The following RANBP2 variants were observed in gnomAD, a reference collection of about 807,000 sequenced individuals.
RANBP2 encodes the protein E3 SUMO-protein ligase RanBP2.
In RANBP2, 57 loss-of-function variants were observed where a neutral mutation model predicts 303.6. The ratio of observed to expected loss-of-function variants is 0.19; its 90% CI spans 0.15 to 0.23. The LOEUF is 0.23. Among genes scored for constraint, RANBP2 ranks in the 10% least tolerant of loss-of-function variants. The pLI is 1.00. For missense variants in RANBP2, 3,138 were observed against 3,780.8 expected (o/e 0.83, Z 4.46); for synonymous variants, 1,167 against 1,301.5 (o/e 0.90, Z 2.23).
the RANBP2 span, among the ~76,000 whole-genome samples, chr2:109,641,674 A>G: frequency 6.6e-6 from 1 of 152,180 alleles, no homozygotes; most frequent in East Asian, 1.9e-4. Context: ...CATGAATCCA[A>G]ATTAGGTTCA....
At chr2:108,769,954 AT>A (rs4012024) in intron 20 of RANBP2, among the ~76,000 whole-genome samples, 55,554 of 149,928 alleles carry the variant, frequency 0.37, 13,694 homozygotes, top group African/African-American at 0.71. Context: ...GCAATCTCTG[AT>A]TTTTTTTTTT....
At chr2:108,937,914 G>C in the RANBP2 span, among the ~76,000 whole-genome samples, 1 of 152,222 alleles carries the variant, frequency 6.6e-6, no homozygotes, top group Non-Finnish European at 1.5e-5. Context: ...GGTTTGAGTT[G>C]AAAGTTTAAA....
At chr2:109,394,437 G>A in the RANBP2 span, among the ~76,000 whole-genome samples, 1 of 152,160 alleles carries the variant, frequency 6.6e-6, no homozygotes, top group African/African-American at 2.4e-5. Flanking sequence ...GGACTAGGGG[G>A]TGGCCCCTGC....
At chr2:109,158,261 C>A in the RANBP2 span, among the ~76,000 whole-genome samples, 2 of 152,184 alleles carry the variant, frequency 1.3e-5, no homozygotes, top group Non-Finnish European at 2.9e-5. Flanking sequence ...AAGTCCAGGG[C>A]CACCTCCAGG....
At chr2:109,144,137 C>T in the RANBP2 span, among the ~76,000 whole-genome samples, 1 of 152,112 alleles carries the variant, frequency 6.6e-6, no homozygotes, top group Non-Finnish European at 1.5e-5. Flanking sequence ...GCATGGTGAC[C>T]ATAGTTAACA....
At chr2:108,787,997 A>G (rs1323052738), downstream of RANBP2, 2 of 1,436,876 alleles carry the variant, frequency 1.4e-6, no homozygotes, top group South Asian at 1.3e-5. Flanking sequence ...ATTGATTTTT[A>G]GTATACAAAT....
chr2:109,564,370 C>T, the RANBP2 span: 1 of 1,553,566 alleles, frequency 6.4e-7, no homozygotes, highest in Non-Finnish European at 8.7e-7. Context: ...CCCTACCTGA[C>T]TGGCTTGTTT....
At chr2:109,457,639 C>T in the RANBP2 span, among the ~76,000 whole-genome samples, 2 of 152,238 alleles carry the variant, frequency 1.3e-5, no homozygotes, top group Non-Finnish European at 2.9e-5. Context: ...GGAGCCCCGG[C>T]ACAACTCAAT....
the RANBP2 span, among the ~76,000 whole-genome samples, chr2:109,362,019 T>C: frequency 2.0e-5 from 3 of 152,180 alleles, no homozygotes; most frequent in African/African-American, 7.2e-5. Flanking sequence ...TAAAGATTAA[T>C]TTATTGATCT....
the RANBP2 span, among the ~76,000 whole-genome samples, chr2:109,289,323 C>T: frequency 4.0e-5 from 6 of 151,744 alleles, no homozygotes; most frequent in Admixed American, 3.9e-4. Context: ...ATTTCACATC[C>T]CATGCTCCCA....
chr2:109,407,712 G>A, the RANBP2 span, among the ~76,000 whole-genome samples: 1 of 150,644 alleles, frequency 6.6e-6, no homozygotes, highest in African/African-American at 2.5e-5. Context: ...CTTATAGGGA[G>A]GCAAAACAAA....
the RANBP2 span, among the ~76,000 whole-genome samples, chr2:109,707,833 T>C: frequency 6.6e-6 from 1 of 152,242 alleles, no homozygotes; most frequent in African/African-American, 2.4e-5. Context: ...AATACCTAAA[T>C]GTTTAGATGT....
chr2:109,402,865 C>T, the RANBP2 span, among the ~76,000 whole-genome samples: 16 of 152,256 alleles, frequency 1.1e-4, no homozygotes, highest in South Asian at 1.9e-3. Context: ...CCTCATTGAA[C>T]GTTGCACTGG....
the RANBP2 span, among the ~76,000 whole-genome samples, chr2:109,644,131 A>AC: frequency 1.2e-4 from 8 of 66,258 alleles, no homozygotes; most frequent in African/African-American, 3.1e-4. Context: ...AAAAAAAAAA[A>AC]CAAAAAAACA....
chr2:109,306,646 T>G, the RANBP2 span, among the ~76,000 whole-genome samples: 47,309 of 152,180 alleles, frequency 0.31, 9,070 homozygotes, highest in African/African-American at 0.54. Flanking sequence ...TTTCATGCTG[T>G]TAGCAGTCGG....
At chr2:109,400,401 TA>T in the RANBP2 span, among the ~76,000 whole-genome samples, 2 of 151,910 alleles carry the variant, frequency 1.3e-5, no homozygotes, top group African/African-American at 4.8e-5. Context: ...TGCACGCACA[TA>T]TACACATATA....
chr2:109,673,500 C>T, the RANBP2 span, among the ~76,000 whole-genome samples: 2 of 152,158 alleles, frequency 1.3e-5, no homozygotes, highest in Non-Finnish European at 2.9e-5. Context: ...CTCTGTTTTG[C>T]CTTGCTTTAC....
chr2:108,995,971 C>G, the RANBP2 span, among the ~76,000 whole-genome samples: 29 of 152,270 alleles, frequency 1.9e-4, no homozygotes, highest in Admixed American at 3.3e-4. Flanking sequence ...AATTAATTTG[C>G]AGTTTCTCAT....
rs1677272908 is a variant in RANBP2 at position 108,768,519 on chromosome 2, C to T, written c.7849+131C>T. 1.2e-5 allele frequency: 18 copies of T among 1,538,720 alleles called. No homozygotes were observed. In the South Asian group the frequency reaches 1.9e-4, roughly 16 times the overall value. Reference sequence around the variant, plus strand: ...TGTGAACACCCCCAAAATATTTGAGCAATTTTTTTTCTCCCTTAATAAGTT... The same window carrying T: ...TGTGAACACCCCCAAAATATTTGAGTAATTTTTTTTCTCCCTTAATAAGTT... On this transcript the variant is annotated intron_variant, in intron 20 of 28. Transcript: ENST00000283195.
Sources: allele counts gnomAD v4.1 joint callset (sites outside exome capture counted in the v4.1 genomes callset), GRCh38; gene constraint gnomAD v4.1.1; transcripts MANE v1.5; gene names NCBI Gene and HGNC (gene_info 2026-07-23, HGNC 2026-07-21).